The following CNTNAP2 variants were observed in gnomAD, a reference collection of about 807,000 sequenced individuals.
The protein encoded by CNTNAP2 is contactin associated protein 2, also known as contactin-associated protein-like 2.
In CNTNAP2, 98 loss-of-function variants were observed where a neutral mutation model predicts 155.2. The observed-to-expected ratio is 0.63, with a 90% CI of 0.54 to 0.75. CNTNAP2 has a LOEUF of 0.75. Among genes scored for constraint, CNTNAP2 ranks in the 30% least tolerant of loss-of-function variants. The pLI is 0.00. For missense variants in CNTNAP2, 1,727 were observed against 1,688.1 expected, an observed-to-expected ratio of 1.02 and a Z score of -0.40; for synonymous variants, 651 against 631.2, an observed-to-expected ratio of 1.03 and a Z score of -0.47.
At chr7:146,666,525 T>C (rs1243365964) in intron 1 of CNTNAP2, among the ~76,000 whole-genome samples, 1 of 152,202 alleles carries the variant, frequency 6.6e-6, no homozygotes, top group East Asian at 1.9e-4. Context: ...AGTAGTGGGA[T>C]TGCTGGATCA....
chr7:146,475,734 T>A (rs1368917786), intron 1 of CNTNAP2, among the ~76,000 whole-genome samples: 1 of 151,960 alleles, frequency 6.6e-6, no homozygotes, highest in Non-Finnish European at 1.5e-5. Context: ...AAAGAATGAG[T>A]ATATCTGAGA....
chr7:148,275,741 A>AGAAGGAGCTTTCCAAACAGCAAAT (rs1375144579), intron 21 of CNTNAP2, among the ~76,000 whole-genome samples: 1 of 152,190 alleles, frequency 6.6e-6, no homozygotes, highest in Non-Finnish European at 1.5e-5. Context: ...CTGGGCTCCA[A>AGAAGGAGCTTTCCAAACAGCAAAT]GAAGGAGCTT....
At chr7:147,445,090 C>T (rs1465766520) in intron 10 of CNTNAP2, among the ~76,000 whole-genome samples, 1 of 152,124 alleles carries the variant, frequency 6.6e-6, no homozygotes, top group Non-Finnish European at 1.5e-5. Flanking sequence ...CACCTCCCAC[C>T]ACATCCCTCC....
intron 21 of CNTNAP2, among the ~76,000 whole-genome samples, chr7:148,276,515 C>A (rs1796872417): frequency 6.6e-6 from 1 of 152,228 alleles, no homozygotes; most frequent in South Asian, 2.1e-4. Flanking sequence ...TCCAGCTTGT[C>A]CCGTGTTTAC....
At chr7:146,273,876 A>G (rs1800123396) in intron 1 of CNTNAP2, among the ~76,000 whole-genome samples, 1 of 152,188 alleles carries the variant, frequency 6.6e-6, no homozygotes, top group Non-Finnish European at 1.5e-5. Flanking sequence ...CAGAATGAGA[A>G]TAAAATGTAA....
At chr7:146,539,197 A>G (rs867844763) in intron 1 of CNTNAP2, among the ~76,000 whole-genome samples, 1 of 152,044 alleles carries the variant, frequency 6.6e-6, no homozygotes, top group Admixed American at 6.6e-5. Flanking sequence ...CCTTGTGTAG[A>G]TGTAGTATTC....
intron 13 of CNTNAP2, among the ~76,000 whole-genome samples, chr7:147,851,778 G>A (rs1451112051): frequency 1.4e-5 from 2 of 146,280 alleles, no homozygotes; most frequent in Non-Finnish European, 3.0e-5. Context: ...GGGGAGGGGG[G>A]AAGGATAGCA....
intron 13 of CNTNAP2, among the ~76,000 whole-genome samples, chr7:147,664,266 A>G (rs1269980531): frequency 6.6e-6 from 1 of 152,192 alleles, no homozygotes; most frequent in East Asian, 1.9e-4. Flanking sequence ...GCCCCTAAGA[A>G]TTAAGAGTTT....
intron 21 of CNTNAP2, among the ~76,000 whole-genome samples, chr7:148,301,961 G>A (rs142406230): frequency 6.6e-6 from 1 of 152,332 alleles, no homozygotes; most frequent in East Asian, 1.9e-4. Flanking sequence ...AGTTCCTGCT[G>A]TATGACACCA....
rs139806599 is a variant in CNTNAP2 at position 146,374,174 on chromosome 7, A to T, written c.97+257201A>T. On this transcript the variant is annotated intron_variant, in intron 1 of 23. Coordinates refer to ENST00000361727, the MANE Select transcript of CNTNAP2 (RefSeq NM_014141.6). ...AATCAAATTTGGCTTTTAAAGTTGTATATGTGATTATGAAAAAAAAAGTGG... is the reference window on the plus strand; with the variant it reads ...AATCAAATTTGGCTTTTAAAGTTGTTTATGTGATTATGAAAAAAAAAGTGG... Among the ~76,000 whole-genome samples, 818 of 152,108 alleles carry T rather than the reference A, an allele frequency of 5.4e-3. 11 individuals carry two copies. Among genetic ancestry groups the T allele is most frequent in the Non-Finnish European group, 8.6e-3 (586 of 67,990 alleles).
At chr7:147,739,381 T>G (rs1456441921) in intron 13 of CNTNAP2, among the ~76,000 whole-genome samples, 1 of 152,136 alleles carries the variant, frequency 6.6e-6, no homozygotes, top group Non-Finnish European at 1.5e-5. Context: ...TCCCTTCAGG[T>G]ATCAGTTTTC....
At chr7:148,309,178 TTC>T (rs778766526) in intron 21 of CNTNAP2, among the ~76,000 whole-genome samples, 1 of 152,232 alleles carries the variant, frequency 6.6e-6, no homozygotes, top group Non-Finnish European at 1.5e-5. Flanking sequence ...AGAGGAATTC[TTC>T]TCTATACAGG....
At chr7:147,921,300 A>T (rs1035134206) in intron 14 of CNTNAP2, among the ~76,000 whole-genome samples, 1 of 152,146 alleles carries the variant, frequency 6.6e-6, no homozygotes, top group South Asian at 2.1e-4. Flanking sequence ...CTCAATCTGT[A>T]TCTTTGGTGT....
chr7:146,224,210 TCTCTATC>T (rs1799253873), intron 1 of CNTNAP2, among the ~76,000 whole-genome samples: 1 of 152,118 alleles, frequency 6.6e-6, no homozygotes, highest in Non-Finnish European at 1.5e-5. Flanking sequence ...ACTTCCTCCA[TCTCTATC>T]TGTAGCACAA....
At chr7:146,354,713 C>T (rs1320840211) in intron 1 of CNTNAP2, among the ~76,000 whole-genome samples, 1 of 152,118 alleles carries the variant, frequency 6.6e-6, no homozygotes. Context: ...CTGTGCCCGG[C>T]CCCTATTTTG....
intron 18 of CNTNAP2, among the ~76,000 whole-genome samples, chr7:148,206,592 A>G (rs1795453847): frequency 6.6e-6 from 1 of 152,212 alleles, no homozygotes; most frequent in African/African-American, 2.4e-5. Context: ...AGTTATGTCC[A>G]ACATCCTCCC....
At chr7:147,521,024 G>A (rs563063991) in intron 11 of CNTNAP2, among the ~76,000 whole-genome samples, 1 of 152,316 alleles carries the variant, frequency 6.6e-6, no homozygotes, top group East Asian at 1.9e-4. Flanking sequence ...ACATGAATGT[G>A]AGCAACGCTT....
chr7:148,229,771 T>C lies in CNTNAP2; in HGVS notation c.3373T>C (p.Phe1125Leu). Residue 1125 changes from phenylalanine (F) to leucine (L), a missense_variant, in exon 20 of 24, where the codon TTT (phenylalanine) becomes CTT (leucine). Coordinates refer to ENST00000361727, the MANE Select transcript of CNTNAP2 (RefSeq NM_014141.6). ...CATCACCCGCCACGAGAAGACCATCTTTCTCAAGGTATACATACATGTACA... is the reference window on the plus strand; with the variant it reads ...CATCACCCGCCACGAGAAGACCATCCTTCTCAAGGTATACATACATGTACA... ...VNITRHEKTI[F>L]LKLDHYPSVS... The C allele has an allele frequency of 6.2e-7, 1 of 1,614,096 alleles. No homozygotes were observed. The highest frequency in any genetic ancestry group is 8.5e-7 in the Non-Finnish European group (1 of 1,180,010).
chr7:147,102,883 T>A (rs1369600757), intron 4 of CNTNAP2, among the ~76,000 whole-genome samples: 1 of 152,180 alleles, frequency 6.6e-6, no homozygotes, highest in Non-Finnish European at 1.5e-5. Context: ...GTTCTAGGAC[T>A]GAGTCAATTT....
Sources: allele counts gnomAD v4.1 joint callset (sites outside exome capture counted in the v4.1 genomes callset), GRCh38; gene constraint gnomAD v4.1.1; transcripts MANE v1.5; gene names NCBI Gene and HGNC (gene_info 2026-07-23, HGNC 2026-07-21).